NEK5: variants seen among roughly 807,000 people sequenced by gnomAD.
The protein encoded by NEK5 is NIMA related kinase 5.
NEK5 carries 88 observed loss-of-function variants against 109.2 expected under a neutral mutation model. That is an observed-to-expected ratio of 0.81 (90% confidence interval 0.68 to 0.96). The LOEUF (loss-of-function observed/expected upper bound fraction) is 0.96, where lower values mean the gene tolerates loss of function less well. Ranked by LOEUF, NEK5 falls within the 40% of genes least tolerant of loss-of-function variation. The probability of loss-of-function intolerance (pLI) is 0.00; values close to 1 mark genes in which losing one functional copy is unlikely to be tolerated. For missense variants in NEK5, 834 were observed against 920.7 expected, an observed-to-expected ratio of 0.91 and a Z score of 1.22; for synonymous variants, 283 against 299.9, an observed-to-expected ratio of 0.94 and a Z score of 0.58.
At chr13:52,074,530 T>G (rs548222800) in intron 19 of NEK5, among the ~76,000 whole-genome samples, 2 of 152,170 alleles carry the variant, frequency 1.3e-5, no homozygotes, top group African/African-American at 4.8e-5. Flanking sequence ...ATAAGAATCC[T>G]AAAAGAAAAC....
chr13:52,089,108 A>AACAAC (rs372510741), intron 14 of NEK5, 139 bp downstream of exon 14: 4 of 159,136 alleles, frequency 2.5e-5, no homozygotes, highest in Non-Finnish European at 4.5e-5. Context: ...ACAACAACAA[A>AACAAC]AACAAAAACA....
chr13:52,111,897 C>A lies in NEK5; in HGVS notation c.312+371G>T, dbSNP rs149882653. Reference sequence around the variant, plus strand: ...GTGGGATATCTAGTTTAAAACAGAGCACCAAATGGTAAAAGAGAAAACAGT... The same window carrying A: ...GTGGGATATCTAGTTTAAAACAGAGAACCAAATGGTAAAAGAGAAAACAGT... On this transcript the variant is annotated intron_variant, in intron 5 of 23. Coordinates refer to ENST00000684899, the MANE Select transcript of NEK5 (RefSeq NM_001365552.1). Among the ~76,000 whole-genome samples the A allele has an allele frequency of 3.0e-3, 455 of 152,234 alleles. 3 individuals carry two copies. Among genetic ancestry groups the A allele is most frequent in the Admixed American group, 8.4e-3 (129 of 15,272 alleles).
Position 52,034,881 on chromosome 13 carries a change from C to CTTTTTTTT in NEK5, c.*2059_*2066dup, listed in dbSNP as rs753180867. 2.0e-5 allele frequency: 2 copies of CTTTTTTTT among 102,534 alleles called. No individual in the cohort carries two copies. Among genetic ancestry groups the CTTTTTTTT allele is most frequent in the Non-Finnish European group, 3.8e-5 (2 of 53,146 alleles). The allele number at this position is 102,534 out of a possible 1,614,324, so 6.4% of individuals were successfully genotyped here. On this transcript the variant is annotated 3_prime_UTR_variant, in exon 24 of 24. Transcript: ENST00000684899. ...ACCATCCTTAAACATTCTTTTTTTT[C>CTTTTTTTT]TTTTTTTTTTTTTTTTTTGCCCTTA...
intron 4 of NEK5, among the ~76,000 whole-genome samples, chr13:52,116,091 G>A (rs552645414): frequency 6.7e-6 from 1 of 150,148 alleles, no homozygotes; most frequent in East Asian, 2.0e-4. Flanking sequence ...TGAGGTGGGA[G>A]GATCCCTTAA....
At chr13:52,073,734 T>C (rs1954819000) in intron 19 of NEK5, among the ~76,000 whole-genome samples, 1 of 152,104 alleles carries the variant, frequency 6.6e-6, no homozygotes, top group Non-Finnish European at 1.5e-5. Context: ...ACCCAAAGAC[T>C]CGACCCAAAG....
intron 4 of NEK5, among the ~76,000 whole-genome samples, chr13:52,115,271 G>A (rs1256764130): frequency 6.6e-6 from 1 of 151,666 alleles, no homozygotes; most frequent in East Asian, 2.0e-4. Context: ...AAAGTTCTGG[G>A]ATTACAAGCG....
chr13:52,079,645 G>C (rs1199327622), intron 17 of NEK5, among the ~76,000 whole-genome samples: 2 of 152,278 alleles, frequency 1.3e-5, no homozygotes, highest in East Asian at 1.9e-4. Context: ...GATCTCGGCT[G>C]GCTACAACCT....
chr13:52,045,907 C>T (rs1401875721), intron 23 of NEK5, among the ~76,000 whole-genome samples: 1 of 151,046 alleles, frequency 6.6e-6, no homozygotes, highest in Non-Finnish European at 1.5e-5. Flanking sequence ...CCCATCTCTA[C>T]TAAAAATACA....
chr13:52,127,658 G>A lies in NEK5; in HGVS notation c.-86C>T. The A allele has an allele frequency of 1.8e-6, 1 of 552,990 alleles. No homozygotes were observed. The highest frequency in any genetic ancestry group is 2.4e-5 in the South Asian group (1 of 41,892). 34.3% of individuals were successfully genotyped at this position (552,990 alleles called of 1,614,324 possible). ...ACAAATAACTTTCTTTGTGGCCACA[G>A]ATAACTGAAATGAGACAGAGTTTCT... is the stretch of plus-strand genomic sequence containing the variant. On this transcript the variant is annotated 5_prime_UTR_variant, in exon 2 of 24. Coordinates refer to ENST00000684899, the MANE Select transcript of NEK5 (RefSeq NM_001365552.1).
At chr13:52,060,442 C>T (rs1005931697) in intron 22 of NEK5, among the ~76,000 whole-genome samples, 25 of 152,034 alleles carry the variant, frequency 1.6e-4, no homozygotes, top group Non-Finnish European at 2.8e-4. Context: ...GCAACCTCCG[C>T]CACCCGGGTT....
chr13:52,127,168 G>C (rs973712165), intron 3 of NEK5, among the ~76,000 whole-genome samples, 198 bp downstream of exon 3: 1 of 152,174 alleles, frequency 6.6e-6, no homozygotes, highest in East Asian at 1.9e-4. Flanking sequence ...ACAGGGGTGA[G>C]CCAGTGCGTC....
chr13:52,118,322 G>C (rs1177822559), intron 4 of NEK5, among the ~76,000 whole-genome samples: 1 of 152,160 alleles, frequency 6.6e-6, no homozygotes, highest in Non-Finnish European at 1.5e-5. Flanking sequence ...AAAACTGTCA[G>C]CACATACAGC....
intron 22 of NEK5, among the ~76,000 whole-genome samples, chr13:52,052,964 A>G (rs975629038): frequency 5.9e-5 from 9 of 152,202 alleles, no homozygotes; most frequent in African/African-American, 1.7e-4. Flanking sequence ...GTTTAGGGCA[A>G]TGGAACAGGT....
At chr13:52,043,931 T>G (rs1263671566) in intron 23 of NEK5, among the ~76,000 whole-genome samples, 2 of 152,210 alleles carry the variant, frequency 1.3e-5, no homozygotes, top group East Asian at 3.8e-4. Flanking sequence ...TTGATTGGAT[T>G]GAAGGATTCA....
At chr13:52,066,718 C>G (rs1954696387) in intron 20 of NEK5, among the ~76,000 whole-genome samples, 1 of 151,492 alleles carries the variant, frequency 6.6e-6, no homozygotes, top group Non-Finnish European at 1.5e-5. Context: ...GCAGGAGAAT[C>G]GCTTGAACCC....
At chr13:52,120,099 G>A (rs770439257) in intron 3 of NEK5, among the ~76,000 whole-genome samples, 71 of 151,914 alleles carry the variant, frequency 4.7e-4, no homozygotes, top group Admixed American at 3.7e-3. Flanking sequence ...ATGTCCACGG[G>A]GCCTCCACCC....
chr13:52,073,587 TTACAGCTG>T (rs1248458435), intron 19 of NEK5, among the ~76,000 whole-genome samples: 1 of 152,122 alleles, frequency 6.6e-6, no homozygotes, highest in African/African-American at 2.4e-5. Flanking sequence ...AGTGCTGGGA[TTACAGCTG>T]TGAGCCACCG....
chr13:52,120,911 C>CAA (rs76615049), intron 3 of NEK5, among the ~76,000 whole-genome samples: 31 of 66,428 alleles, frequency 4.7e-4, no homozygotes, highest in African/African-American at 2.9e-4. Context: ...GACTCCATTG[C>CAA]AAAAAAAAAA....
intron 21 of NEK5, among the ~76,000 whole-genome samples, chr13:52,063,403 G>C (rs1181612511): frequency 3.3e-5 from 5 of 152,210 alleles, no homozygotes; most frequent in Admixed American, 2.6e-4. Flanking sequence ...GGAGTGCAGT[G>C]GCGTGATCGC....
Sources: allele counts gnomAD v4.1 joint callset (sites outside exome capture counted in the v4.1 genomes callset), GRCh38; gene constraint gnomAD v4.1.1; transcripts MANE v1.5; gene names NCBI Gene and HGNC (gene_info 2026-07-23, HGNC 2026-07-21).